Variants in TNRC6B observed in about 807,000 individuals in gnomAD.
TNRC6B encodes trinucleotide repeat containing adaptor 6B.
Under a neutral mutation model 203.6 loss-of-function variants are expected in TNRC6B, and 52 were observed. The observed-to-expected ratio is 0.26, with a 90% CI of 0.20 to 0.32. TNRC6B has a LOEUF of 0.32. Among genes scored for constraint, TNRC6B ranks in the 10% least tolerant of loss-of-function variants. The pLI is 1.00. For missense variants in TNRC6B, 1,923 were observed against 2,286.2 expected, an observed-to-expected ratio of 0.84 and a Z score of 3.24; for synonymous variants, 838 against 845.7, an observed-to-expected ratio of 0.99 and a Z score of 0.16.
In TNRC6B at chr22:40,292,677, C is replaced by T. The variant is rs755198218; in HGVS notation, c.3708+6907C>T. ...CACCGTGATTCCTCTGCAGCCCAGG[C>T]GGGCGTGAGCAGGTGTTTGCCTGGA... is the stretch of plus-strand genomic sequence containing the variant. On this transcript the variant is annotated intron_variant, in intron 12 of 22. Coordinates refer to ENST00000454349, the MANE Select transcript of TNRC6B (RefSeq NM_001162501.2). Among the ~76,000 whole-genome samples the T allele has an allele frequency of 4.6e-5, 7 of 152,336 alleles. No homozygotes were observed. In the South Asian group the frequency reaches 8.3e-4, roughly 18 times the overall value.
chr22:40,206,305 C>T (rs2069477185), intron 1 of TNRC6B, among the ~76,000 whole-genome samples: 1 of 151,966 alleles, frequency 6.6e-6, no homozygotes, highest in Admixed American at 6.5e-5. Flanking sequence ...TTTATTTAAA[C>T]GATTCCCTGC....
In TNRC6B at chr22:40,331,052, G is replaced by C. The variant is rs1349422924; in HGVS notation, c.*7811G>C. ...TGGCTGTTTTGTTTTTTGTTTTTCT[G>C]TAAGCACTGGAGAATTGGAATATGG... On this transcript the variant is annotated 3_prime_UTR_variant, in exon 23 of 23. Transcript: ENST00000454349. 6.6e-6 allele frequency: 1 copy of C among 152,626 alleles called. No individual in the cohort carries two copies. 9.5% of individuals were successfully genotyped at this position (152,626 alleles called of 1,614,324 possible).
intron 7 of TNRC6B, among the ~76,000 whole-genome samples, chr22:40,275,368 G>T (rs2070625041): frequency 6.6e-6 from 1 of 152,128 alleles, no homozygotes; most frequent in African/African-American, 2.4e-5. Context: ...TGACAACCAA[G>T]ATTTAATTAA....
chr22:40,189,014 T>A (rs2069239313), intron 1 of TNRC6B, among the ~76,000 whole-genome samples: 1 of 152,154 alleles, frequency 6.6e-6, no homozygotes, highest in Non-Finnish European at 1.5e-5. Context: ...CAGCATATGA[T>A]CCCCACTTTT....
intron 1 of TNRC6B, among the ~76,000 whole-genome samples, chr22:40,233,906 C>T (rs2069913317): frequency 6.6e-6 from 1 of 152,190 alleles, no homozygotes; most frequent in Admixed American, 6.5e-5. Flanking sequence ...CTTGCCTGCA[C>T]ATGCACAGAT....
intron 12 of TNRC6B, among the ~76,000 whole-genome samples, chr22:40,299,143 TCAAAAAAAAAAAAA>T (rs1374267657): frequency 1.3e-5 from 1 of 77,700 alleles, no homozygotes; most frequent in Admixed American, 1.4e-4. Context: ...AGACCCTGTC[TCAAAAAAAAAAAAA>T]CAAAAAAAAA....
rs751692063 is a variant in TNRC6B at position 40,265,711 on chromosome 22, A to G, written c.1481A>G (p.Asn494Ser). The G allele has an allele frequency of 1.9e-6, 3 of 1,614,062 alleles. No individual in the cohort carries two copies. Among genetic ancestry groups the G allele is most frequent in the Admixed American group, 1.7e-5 (1 of 60,034 alleles). Residue 494 changes from asparagine (N) to serine (S), a missense_variant, in exon 5 of 23, where the codon AAC becomes AGC. Asn to Ser is a conservative substitution (Grantham distance 46). Around this residue, in one of 8 missense-constraint regions of TNRC6B, gnomAD observed 614 missense variants for 587.7 expected, o/e 1.04. Coordinates refer to ENST00000454349, the MANE Select transcript of TNRC6B (RefSeq NM_001162501.2). ...WNFGPQDSND[N>S]KWGEGNKMTS... ...TTTGGCCCCCAGGACTCTAATGACA[A>G]CAAATGGGGTGAAGGGAACAAAATG...
chr22:40,296,210 C>G (rs1033849158), intron 12 of TNRC6B, among the ~76,000 whole-genome samples: 1 of 152,054 alleles, frequency 6.6e-6, no homozygotes, highest in African/African-American at 2.4e-5. Context: ...GAGAAAGAGG[C>G]CTTAAGGGCC....
intron 7 of TNRC6B, among the ~76,000 whole-genome samples, chr22:40,276,555 T>C (rs2070647462): frequency 6.6e-6 from 1 of 152,138 alleles, no homozygotes. Flanking sequence ...GCCCAGGAGA[T>C]CAGCAATGGT....
chr22:40,246,106 G>C lies in TNRC6B; in HGVS notation c.93+4G>C, dbSNP rs1379283238. 2.6e-6 allele frequency: 4 copies of C among 1,544,768 alleles called. No homozygotes were observed. The Admixed American group carries it at 8.0e-5, about 31-fold the overall frequency. ...GAAAAAAGAAGCCACTCAGAAGGTA[G>C]GTTTAATCAGTTAAGTCTGTCTTTT... is the stretch of plus-strand genomic sequence containing the variant. On this transcript the variant is annotated splice_donor_region_variant and intron_variant, in intron 2 of 22. Transcript: ENST00000454349.
At chr22:40,046,613 A>AT (rs11300855) in intron 1 of TNRC6B, among the ~76,000 whole-genome samples, 1,740 of 122,400 alleles carry the variant, frequency 0.014, 20 homozygotes, top group Admixed American at 0.021. Context: ...AAGCACTTAA[A>AT]TTTTTTTTTT....
chr22:40,208,542 C>T lies in TNRC6B; in HGVS notation c.5+30402C>T, dbSNP rs183010932. Reference sequence around the variant, plus strand: ...ATTCCACTTAAGAAACTCAGAAATACAACTGAAATGTTGTTTAGGTTACCA... The same window carrying T: ...ATTCCACTTAAGAAACTCAGAAATATAACTGAAATGTTGTTTAGGTTACCA... On this transcript the variant is annotated intron_variant, in intron 1 of 22. Coordinates refer to ENST00000454349, the MANE Select transcript of TNRC6B (RefSeq NM_001162501.2). Among the ~76,000 whole-genome samples the T allele has an allele frequency of 4.6e-5, 7 of 152,234 alleles. No individual in the cohort carries two copies. The East Asian group carries it at 1.4e-3, about 29-fold the overall frequency.
Position 40,125,362 on chromosome 22 carries a change from A to G in TNRC6B, c.-46-410A>G, listed in dbSNP as rs527794427. Among the ~76,000 whole-genome samples, 31 of 152,324 alleles carry G rather than the reference A, an allele frequency of 2.0e-4. 1 individual carries two copies. In the South Asian group the frequency reaches 2.1e-3, roughly 10 times the overall value. On this transcript the variant is annotated intron_variant, in intron 2 of 23. Coordinates refer to the TNRC6B transcript ENST00000301923. ...AAACCCTGCCAATTCCAATAGCCTT[A>G]GCCTAATACCCAGGCACTGTGACCT...
intron 3 of TNRC6B, chr22:40,156,112 C>G: frequency 6.3e-7 from 1 of 1,574,998 alleles, no homozygotes; most frequent in South Asian, 1.2e-5. Context: ...CTTGCCTTTG[C>G]AGGTGGAACA....
chr22:40,253,816 TCTC>T (rs2070229694), intron 3 of TNRC6B: 3 of 424,890 alleles, frequency 7.1e-6, no homozygotes, highest in South Asian at 1.6e-5. Context: ...GTACTGTAAA[TCTC>T]CTTCTTCTTC....
chr22:40,239,975 A>G (rs1569034064), intron 1 of TNRC6B, among the ~76,000 whole-genome samples: 1 of 151,756 alleles, frequency 6.6e-6, no homozygotes, highest in East Asian at 1.9e-4. Flanking sequence ...GCAGCTGGGT[A>G]GCCCGCCACC....
At position 40,331,811 on chromosome 22, in the gene TNRC6B, C is replaced by G. The variant is rs2071471323; in HGVS notation, c.*8570C>G. 2 of 371,432 alleles carry G rather than the reference C, an allele frequency of 5.4e-6. No individual in the cohort carries two copies. Among genetic ancestry groups the G allele is most frequent in the East Asian group, 7.4e-5 (2 of 27,014 alleles). 23.0% of individuals were successfully genotyped at this position (371,432 alleles called of 1,614,324 possible). Reference sequence around the variant, plus strand: ...GCGTTGCATCCTTGTTCTTCAGTTTCTGTGTCCATGGTGTCCCCGTGTCCT... The same window carrying G: ...GCGTTGCATCCTTGTTCTTCAGTTTGTGTGTCCATGGTGTCCCCGTGTCCT... On this transcript the variant is annotated 3_prime_UTR_variant, in exon 23 of 23. Transcript: ENST00000454349.
intron 15 of TNRC6B, among the ~76,000 whole-genome samples, chr22:40,304,996 AGAG>A (rs1327544663): frequency 6.6e-6 from 1 of 152,224 alleles, no homozygotes; most frequent in Non-Finnish European, 1.5e-5. Flanking sequence ...TATAGCAAAA[AGAG>A]GAGCAGAAAA....
At chr22:40,269,577 TA>T (rs1279200790) in intron 5 of TNRC6B, among the ~76,000 whole-genome samples, 2 of 152,142 alleles carry the variant, frequency 1.3e-5, no homozygotes, top group Non-Finnish European at 2.9e-5. Flanking sequence ...TTTACAAGTA[TA>T]TTTATGGTAT....
Sources: gnomAD v4.1 joint callset for allele counts (sites outside exome capture counted in the v4.1 genomes callset) on GRCh38, gnomAD v4.1.1 for gene constraint, gnomAD v4.1.1 regional missense constraint, MANE v1.5 for transcripts, NCBI Gene and HGNC (gene_info 2026-07-23, HGNC 2026-07-21) for gene names.